The following FMN1 variants were observed in gnomAD, a reference collection of about 807,000 sequenced individuals.
FMN1 encodes formin-1.
In FMN1, 110 loss-of-function variants were observed where a neutral mutation model predicts 132.4. That is an observed-to-expected ratio of 0.83 (90% CI 0.71 to 0.97). The LOEUF is 0.97. FMN1 is among the 50% of genes least tolerant of loss of function. The pLI is 0.00. For synonymous variants in FMN1, 722 were observed against 651.7 expected, an observed-to-expected ratio of 1.11 and a Z score of -1.64; for missense variants, 1,792 against 1,705.3, an observed-to-expected ratio of 1.05 and a Z score of -0.90.
At chr15:33,011,246 T>C (rs1297881250) in intron 6 of FMN1, among the ~76,000 whole-genome samples, 1 of 152,114 alleles carries the variant, frequency 6.6e-6, no homozygotes. Context: ...TCCAGAAAGA[T>C]ACCATGATTT....
At chr15:33,081,950 G>T (rs552435511) in intron 5 of FMN1, among the ~76,000 whole-genome samples, 2 of 152,218 alleles carry the variant, frequency 1.3e-5, no homozygotes, top group Non-Finnish European at 2.9e-5. Flanking sequence ...TAAAAAGTAT[G>T]CAGGGCCTCA....
At chr15:32,889,597 A>G (rs1406268914) in intron 15 of FMN1, among the ~76,000 whole-genome samples, 1 of 152,132 alleles carries the variant, frequency 6.6e-6, no homozygotes, top group Non-Finnish European at 1.5e-5. Flanking sequence ...TGTCTATAAA[A>G]TGGTCCCTTT....
intron 6 of FMN1, among the ~76,000 whole-genome samples, chr15:33,047,155 G>A (rs1205302194): frequency 6.6e-6 from 1 of 152,210 alleles, no homozygotes; most frequent in Non-Finnish European, 1.5e-5. Flanking sequence ...GTTAATGTCT[G>A]TGTGGCCTTT....
chr15:33,185,546 A>AT (rs886840744), intron 2 of FMN1, among the ~76,000 whole-genome samples: 3 of 141,682 alleles, frequency 2.1e-5, no homozygotes, highest in Non-Finnish European at 4.6e-5. Flanking sequence ...ATTTGTAGTA[A>AT]TTTTTTTTTA....
At chr15:33,184,019 G>A (rs1221234976) in intron 2 of FMN1, among the ~76,000 whole-genome samples, 4 of 152,044 alleles carry the variant, frequency 2.6e-5, no homozygotes, top group African/African-American at 9.7e-5. Context: ...TTGAAATAAG[G>A]TAAACTTATT....
At chr15:32,989,638 A>G (rs558781595) in intron 7 of FMN1, among the ~76,000 whole-genome samples, 1 of 152,294 alleles carries the variant, frequency 6.6e-6, no homozygotes, top group East Asian at 1.9e-4. Flanking sequence ...TTAACTTGAC[A>G]GACAGTAGTG....
chr15:32,854,771 G>A (rs899374987), intron 17 of FMN1, among the ~76,000 whole-genome samples: 4 of 152,036 alleles, frequency 2.6e-5, no homozygotes, highest in African/African-American at 4.8e-5. Context: ...AAAATTGGCC[G>A]GGTGTGGTGG....
rs2056029816 is a variant in FMN1 at position 32,765,874 on chromosome 15, ATACT to A, written c.*8432_*8435del. The A allele has an allele frequency of 6.6e-6, 1 of 152,216 alleles. No individual in the cohort carries two copies. Among genetic ancestry groups the A allele is most frequent in the African/African-American group, 2.4e-5 (1 of 41,466 alleles). 9.4% of individuals were successfully genotyped at this position (152,216 alleles called of 1,614,324 possible). On this transcript the variant is annotated 3_prime_UTR_variant, in exon 21 of 21. Transcript: ENST00000616417. ...TCCTTCACTCTCTTTTTAAAAATAA[ATACT>A]TCATTTGGTTGCAAATGACATTTAT...
chr15:33,007,505 T>C (rs986852391), intron 7 of FMN1, among the ~76,000 whole-genome samples: 4 of 151,796 alleles, frequency 2.6e-5, no homozygotes, highest in Non-Finnish European at 5.9e-5. Context: ...CAAGGGAGGA[T>C]CAGGTCAACA....
chr15:32,914,715 A>G (rs1456979645), intron 10 of FMN1, among the ~76,000 whole-genome samples: 1 of 152,250 alleles, frequency 6.6e-6, no homozygotes, highest in Non-Finnish European at 1.5e-5. Context: ...GGCAAAAAAG[A>G]AAGACACTAC....
chr15:32,817,666 T>C (rs1595997532), intron 17 of FMN1, among the ~76,000 whole-genome samples: 1 of 152,210 alleles, frequency 6.6e-6, no homozygotes, highest in Non-Finnish European at 1.5e-5. Context: ...AGATGAACCA[T>C]TAGCAGAAGC....
At chr15:33,018,678 C>A (rs2035222987) in intron 6 of FMN1, among the ~76,000 whole-genome samples, 1 of 152,182 alleles carries the variant, frequency 6.6e-6, no homozygotes, top group South Asian at 2.1e-4. Context: ...TCACTGACTT[C>A]AAGAATGAAG....
chr15:33,167,268 C>A (rs1162987611), intron 3 of FMN1, among the ~76,000 whole-genome samples: 1 of 152,106 alleles, frequency 6.6e-6, no homozygotes, highest in Non-Finnish European at 1.5e-5. Flanking sequence ...CTCATGAGAT[C>A]TGATGGTTTT....
intron 4 of FMN1, among the ~76,000 whole-genome samples, chr15:33,122,980 A>G (rs1161188907): frequency 2.0e-5 from 3 of 152,030 alleles, no homozygotes; most frequent in Non-Finnish European, 4.4e-5. Context: ...TAGGTAATTA[A>G]TGTCACAAAT....
At chr15:33,088,776 C>T in intron 5 of FMN1, 23 bp downstream of exon 5, 1 of 1,527,714 alleles carries the variant, frequency 6.5e-7, no homozygotes, top group Non-Finnish European at 8.8e-7. Flanking sequence ...AACCACAGCA[C>T]AATCACCAAG....
chr15:33,088,230 A>T (rs556254574), intron 5 of FMN1, among the ~76,000 whole-genome samples: 22 of 151,920 alleles, frequency 1.4e-4, no homozygotes, highest in South Asian at 8.3e-4. Flanking sequence ...TAAAAAATTT[A>T]AAAAAAACTG....
intron 2 of FMN1, among the ~76,000 whole-genome samples, chr15:33,183,861 T>C (rs1965787246): frequency 1.3e-5 from 2 of 152,202 alleles, no homozygotes; most frequent in South Asian, 4.1e-4. Flanking sequence ...TCAAAAGTGT[T>C]ACTCTTTCAA....
rs1245638939 is a variant in FMN1 at position 33,154,557 on chromosome 15, G to A, written c.358C>T (p.Gln120Ter). Reference sequence around the variant, plus strand: ...GGGGCCAGGCTCACGGACAGCTCTTGCAGCTTCCCCTCCTGGTTCCCCATC... The same window carrying A: ...GGGGCCAGGCTCACGGACAGCTCTTACAGCTTCCCCTCCTGGTTCCCCATC... ...ITMGNQEGKL[Q>*]ELSVSLAPED... Residue 120 changes from glutamine (Q) to a stop codon, truncating the protein, a stop_gained, in exon 4 of 21, where the codon CAA becomes TAA. Coordinates refer to ENST00000616417, the MANE Select transcript of FMN1 (RefSeq NM_001277313.2). LOFTEE classifies it high-confidence loss of function. 2.0e-6 allele frequency: 3 copies of A among 1,536,100 alleles called. No individual in the cohort carries two copies. Among genetic ancestry groups the A allele is most frequent in the East Asian group, 2.4e-5 (1 of 40,894 alleles).
At chr15:33,150,018 AT>A (rs1964380380) in intron 4 of FMN1, 1 of 985,436 alleles carries the variant, frequency 1.0e-6, no homozygotes, top group Non-Finnish European at 1.2e-6. Context: ...TCAGTTCTCA[AT>A]ATCAGGAAGA....
Sources: allele counts gnomAD v4.1 joint callset (sites outside exome capture counted in the v4.1 genomes callset), GRCh38; gene constraint gnomAD v4.1.1; transcripts MANE v1.5; gene names NCBI Gene and HGNC (gene_info 2026-07-23, HGNC 2026-07-21).